Variants in CTNNA2 observed in about 807,000 individuals in gnomAD.
CTNNA2 encodes the protein catenin alpha 2.
CTNNA2 carries 42 observed loss-of-function variants against 101.0 expected under a neutral mutation model. The observed-to-expected ratio is 0.42, with a 90% CI of 0.32 to 0.54. The LOEUF (loss-of-function observed/expected upper bound fraction) is 0.54, where lower values mean the gene tolerates loss of function less well. Ranked by LOEUF, CTNNA2 falls within the 20% of genes least tolerant of loss-of-function variation. CTNNA2 has a pLI of 0.14. For synonymous variants in CTNNA2, 450 were observed against 456.4 expected (o/e 0.99, Z 0.18); for missense variants, 871 against 1,223.1 (o/e 0.71, Z 4.29).
intron 4 of CTNNA2, among the ~76,000 whole-genome samples, chr2:79,420,924 G>A (rs943924761): frequency 1.3e-5 from 2 of 152,096 alleles, no homozygotes; most frequent in South Asian, 2.1e-4. Context: ...GTCATTAAGT[G>A]TCTAAACTGA....
intron 9 of CTNNA2, among the ~76,000 whole-genome samples, chr2:80,425,098 T>A (rs1680878293): frequency 1.3e-5 from 2 of 152,164 alleles, no homozygotes. Flanking sequence ...GTGACTGGAG[T>A]GACAGGCGGA....
chr2:80,589,227 C>T (rs1183347501), intron 14 of CTNNA2, 77 bp from the exon 15 acceptor site: 4 of 1,456,316 alleles, frequency 2.7e-6, no homozygotes, highest in East Asian at 2.3e-5. Context: ...GCTCTGCCAT[C>T]CGCAGAAGGC....
intron 7 of CTNNA2, among the ~76,000 whole-genome samples, chr2:80,007,835 G>A (rs757050640): frequency 3.9e-4 from 60 of 152,104 alleles, no homozygotes; most frequent in Non-Finnish European, 7.4e-4. Context: ...AGGAGGTGAG[G>A]ACAGTGAGAG....
intron 3 of CTNNA2, among the ~76,000 whole-genome samples, chr2:79,368,496 G>A (rs1295005518): frequency 1.3e-5 from 2 of 152,184 alleles, no homozygotes; most frequent in African/African-American, 4.8e-5. Context: ...TGGACGTTGT[G>A]CGGATTTCCT....
chr2:80,127,826 A>C (rs1289996860), intron 7 of CTNNA2, among the ~76,000 whole-genome samples: 1 of 152,150 alleles, frequency 6.6e-6, no homozygotes, highest in Admixed American at 6.6e-5. Context: ...TAGGATTTGC[A>C]GGGATCATTA....
intron 2 of CTNNA2, among the ~76,000 whole-genome samples, chr2:79,275,402 T>C (rs1255284226): frequency 6.6e-6 from 1 of 151,908 alleles, no homozygotes; most frequent in Non-Finnish European, 1.5e-5. Flanking sequence ...TAGGGCCCCC[T>C]AGGAACTCAT....
At chr2:79,730,070 A>G (rs1363661749) in intron 2 of CTNNA2, among the ~76,000 whole-genome samples, 1 of 152,102 alleles carries the variant, frequency 6.6e-6, no homozygotes, top group Non-Finnish European at 1.5e-5. Context: ...GTAAAATGAG[A>G]CAAATATGTG....
intron 4 of CTNNA2, among the ~76,000 whole-genome samples, chr2:79,396,304 G>T (rs906697254): frequency 1.3e-5 from 2 of 151,986 alleles, no homozygotes; most frequent in East Asian, 3.9e-4. Context: ...GATTACAGGT[G>T]CCTGCCAACA....
intron 1 of CTNNA2, chr2:79,514,601 G>T (rs1349399584): frequency 6.6e-6 from 1 of 152,162 alleles, no homozygotes; most frequent in Admixed American, 6.5e-5. Context: ...CTTTCTGTTA[G>T]CATTGCTGCT....
At position 80,589,905 on chromosome 2, in the gene CTNNA2, T is replaced by TGTGTGC. The variant is rs1491383706; in HGVS notation, c.2189+421_2189+422insTGTGCG. 3.8e-3 allele frequency among the ~76,000 whole-genome samples: 431 copies of TGTGTGC among 114,492 alleles called. 1 individual carries two copies. Among genetic ancestry groups the TGTGTGC allele is most frequent in the African/African-American group, 0.013 (410 of 32,224 alleles). 75.1% of individuals were successfully genotyped at this position (114,492 alleles called of 152,430 possible). The stretch of plus-strand genomic sequence containing the variant: ...GTGTGTGTGTGTGTGTGTGTGTGTG[T>TGTGTGC]GCGCGCGCGCGCATGTATACATATA... On this transcript the variant is annotated intron_variant, in intron 15 of 18. Coordinates refer to ENST00000402739, the MANE Select transcript of CTNNA2 (RefSeq NM_001282597.3).
chr2:79,729,807 T>A (rs978262311), intron 2 of CTNNA2, among the ~76,000 whole-genome samples: 1 of 152,106 alleles, frequency 6.6e-6, no homozygotes, highest in African/African-American at 2.4e-5. Context: ...GACCCTACAG[T>A]AAAATACCAG....
intron 7 of CTNNA2, among the ~76,000 whole-genome samples, chr2:80,060,838 C>A (rs1309667644): frequency 6.6e-6 from 1 of 152,166 alleles, no homozygotes; most frequent in Admixed American, 6.5e-5. Context: ...ACTGACTGTT[C>A]ACAGCTGAGG....
chr2:79,399,093 C>T (rs1419836395), intron 4 of CTNNA2, among the ~76,000 whole-genome samples: 2 of 152,036 alleles, frequency 1.3e-5, no homozygotes, highest in African/African-American at 4.8e-5. Context: ...TTTATTTGAC[C>T]AGACTCAGAG....
intron 7 of CTNNA2, among the ~76,000 whole-genome samples, chr2:80,128,997 A>G (rs1702275830): frequency 6.9e-6 from 1 of 144,482 alleles, no homozygotes; most frequent in African/African-American, 2.6e-5. Flanking sequence ...ATAACATCAT[A>G]TGATCTACAC....
At chr2:80,191,374 C>G (rs539752016) in intron 7 of CTNNA2, among the ~76,000 whole-genome samples, 14 of 152,142 alleles carry the variant, frequency 9.2e-5, no homozygotes, top group East Asian at 1.9e-4. Flanking sequence ...CTCTTTCTTC[C>G]AAGAAGTATT....
At chr2:80,197,799 G>A (rs1023616763) in intron 7 of CTNNA2, among the ~76,000 whole-genome samples, 7 of 152,158 alleles carry the variant, frequency 4.6e-5, no homozygotes, top group African/African-American at 1.7e-4. Flanking sequence ...TGAGTCATAA[G>A]CTAGTATCCA....
intron 7 of CTNNA2, among the ~76,000 whole-genome samples, chr2:80,136,859 G>A (rs1173819833): frequency 6.6e-6 from 1 of 152,058 alleles, no homozygotes; most frequent in Non-Finnish European, 1.5e-5. Flanking sequence ...CCTCTTTACT[G>A]GACAGAAGGT....
chr2:79,640,104 G>A (rs1362312323), intron 1 of CTNNA2, among the ~76,000 whole-genome samples: 4 of 151,940 alleles, frequency 2.6e-5, no homozygotes, highest in African/African-American at 9.7e-5. Context: ...ACAAAACTTA[G>A]GTAAATCAAA....
intron 4 of CTNNA2, among the ~76,000 whole-genome samples, chr2:79,379,738 G>A (rs1474214435): frequency 6.6e-6 from 1 of 152,134 alleles, no homozygotes; most frequent in East Asian, 1.9e-4. Flanking sequence ...TTGGTAGAGA[G>A]ACAGTGATTA....
Sources: gnomAD v4.1 joint callset for allele counts (sites outside exome capture counted in the v4.1 genomes callset) on GRCh38, gnomAD v4.1.1 for gene constraint, MANE v1.5 for transcripts, NCBI Gene and HGNC (gene_info 2026-07-23, HGNC 2026-07-21) for gene names.